The following SLC7A6 variants were observed in gnomAD, a reference collection of about 807,000 sequenced individuals.
The protein encoded by SLC7A6 is Y+L amino acid transporter 2.
SLC7A6 carries 29 observed loss-of-function variants against 46.6 expected under a neutral mutation model. The observed-to-expected ratio is 0.62, with a 90% CI of 0.46 to 0.85. The LOEUF (loss-of-function observed/expected upper bound fraction) is 0.85, where lower values mean the gene tolerates loss of function less well. Among genes scored for constraint, SLC7A6 ranks in the 40% least tolerant of loss-of-function variants. SLC7A6 has a pLI of 0.00. For synonymous variants in SLC7A6, 276 were observed against 257.3 expected (o/e 1.07, Z -0.70); for missense variants, 527 against 647.6 (o/e 0.81, Z 2.02).
Position 68,301,027 on chromosome 16 carries a change from G to GT in SLC7A6, c.*3708dup, listed in dbSNP as rs904540749. The GT allele has an allele frequency of 1.4e-3, 1,570 of 1,139,194 alleles. No homozygotes were observed. The highest frequency in any genetic ancestry group is 5.4e-3 in the East Asian group (123 of 22,764). 70.6% of individuals were successfully genotyped at this position (1,139,194 alleles called of 1,614,324 possible). ...CTAAAGAAACCTTCCTTTTTTCAAC[G>GT]TTTTTTTTTCTTTCAAACTGTAGGG... On this transcript the variant is annotated 3_prime_UTR_variant, in exon 11 of 11. Coordinates refer to ENST00000219343, the MANE Select transcript of SLC7A6 (RefSeq NM_003983.6).
At chr16:68,290,798 G>A (rs1430443916) in intron 5 of SLC7A6, 2 of 521,124 alleles carry the variant, frequency 3.8e-6, no homozygotes, top group Non-Finnish European at 6.9e-6. Context: ...GGAGCAGCAG[G>A]CCCAGCTGGG....
chr16:68,277,014 A>C (rs112086775), intron 3 of SLC7A6, among the ~76,000 whole-genome samples: 15,109 of 152,044 alleles, frequency 0.099, 922 homozygotes, highest in South Asian at 0.24. Context: ...CAAAACAAAA[A>C]AAAAACCTCA....
Position 68,300,769 on chromosome 16 carries a change from C to T in SLC7A6, c.*3441C>T, listed in dbSNP as rs2043255922. The T allele has an allele frequency of 2.0e-6, 2 of 985,416 alleles. No individual in the cohort carries two copies. 61.0% of individuals were successfully genotyped at this position (985,416 alleles called of 1,614,324 possible). ...CTGTTAACTAAAATCTCCCACTGCT[C>T]AGACTACTTTCTGCCCTAATGGCCA... On this transcript the variant is annotated 3_prime_UTR_variant, in exon 11 of 11. Coordinates refer to ENST00000219343, the MANE Select transcript of SLC7A6 (RefSeq NM_003983.6).
At chr16:68,267,973 T>C (rs1299937005) in intron 2 of SLC7A6, among the ~76,000 whole-genome samples, 2 of 152,202 alleles carry the variant, frequency 1.3e-5, no homozygotes, top group Admixed American at 1.3e-4. Context: ...TGGAGGTTCC[T>C]GGATGGTACT....
intron 7 of SLC7A6, chr16:68,291,869 T>C (rs996527804): frequency 1.8e-6 from 1 of 558,848 alleles, no homozygotes; most frequent in Non-Finnish European, 3.2e-6. Context: ...CATGTTTCCA[T>C]CTGAGGTGAG....
chr16:68,281,013 G>A (rs951814907), intron 3 of SLC7A6, among the ~76,000 whole-genome samples: 2 of 152,132 alleles, frequency 1.3e-5, no homozygotes, highest in African/African-American at 2.4e-5. Flanking sequence ...GATTACAGGC[G>A]TGACCCACGG....
intron 3 of SLC7A6, among the ~76,000 whole-genome samples, chr16:68,285,674 ATGGAAGAATATCCAACTTTC>A (rs2042915732): frequency 6.6e-6 from 1 of 152,204 alleles, no homozygotes; most frequent in Non-Finnish European, 1.5e-5. Context: ...CTCCATTTGA[ATGGAAGAATATCCAACTTTC>A]TGACAATTTG....
chr16:68,282,741 C>T (rs143365164), intron 3 of SLC7A6, among the ~76,000 whole-genome samples: 85 of 152,176 alleles, frequency 5.6e-4, no homozygotes, highest in African/African-American at 1.9e-3. Context: ...CCTCGGCCTG[C>T]TGATTAGCTG....
In SLC7A6 at chr16:68,301,561, A is replaced by C. The variant is rs2043276828; in HGVS notation, c.*4233A>C. On this transcript the variant is annotated 3_prime_UTR_variant, in exon 11 of 11. Coordinates refer to ENST00000219343, the MANE Select transcript of SLC7A6 (RefSeq NM_003983.6). ...AGAATATAGAATTCTTTTTTTTTTA[A>C]AGAAGGAATCACTTTCCTATCATCT... 1 of 572,606 alleles carries C rather than the reference A, an allele frequency of 1.7e-6. No homozygotes were observed. The highest frequency in any genetic ancestry group is 2.8e-6 in the Non-Finnish European group (1 of 352,890). The allele number at this position is 572,606 out of a possible 1,614,324, so 35.5% of individuals were successfully genotyped here. A position where few individuals can be genotyped will look rare whatever the true frequency, so the allele number is the denominator to read the frequency against.
rs181817153 is a variant in SLC7A6, at chr16:68,287,223, C to T, written c.524-523C>T. On this transcript the variant is annotated intron_variant, in intron 3 of 10. Coordinates refer to ENST00000219343, the MANE Select transcript of SLC7A6 (RefSeq NM_003983.6). ...TAACTCCTGGGCTCACATGATCCAT[C>T]TGCCTCAGTTTCCCAAAGTGCTGGG... 1.7e-4 allele frequency: 144 copies of T among 857,482 alleles called. 4 individuals carry two copies. In the Admixed American group the frequency reaches 4.3e-3, roughly 26 times the overall value. 53.1% of individuals were successfully genotyped at this position (857,482 alleles called of 1,614,324 possible). A position where few individuals can be genotyped will look rare whatever the true frequency, so the allele number is the denominator to read the frequency against.
intron 4 of SLC7A6, 77 bp from the exon 5 acceptor site, chr16:68,290,319 C>T (rs1567592540): frequency 1.4e-6 from 2 of 1,469,132 alleles, no homozygotes; most frequent in Non-Finnish European, 1.9e-6. Context: ...CTTTCTCTTA[C>T]ACCTCCCATC....
chr16:68,291,194 C>T lies in SLC7A6; in HGVS notation c.795-15C>T. On this transcript the variant is annotated splice_polypyrimidine_tract_variant and intron_variant, in intron 5 of 10. Coordinates refer to ENST00000219343, the MANE Select transcript of SLC7A6 (RefSeq NM_003983.6). The stretch of plus-strand genomic sequence containing the variant: ...AGGTTGGTTCTAGGTAGTCCTTTCT[C>T]ACTTGTCCTGACAGAAATTTGCCCT... The T allele has an allele frequency of 1.2e-6, 2 of 1,614,214 alleles. No individual in the cohort carries two copies. The highest frequency in any genetic ancestry group is 1.7e-6 in the Non-Finnish European group (2 of 1,180,024).
At chr16:68,285,179 C>T (rs1485372680) in intron 3 of SLC7A6, among the ~76,000 whole-genome samples, 1 of 152,132 alleles carries the variant, frequency 6.6e-6, no homozygotes, top group Admixed American at 6.5e-5. Flanking sequence ...AGCTCCTGAC[C>T]CTTCTGCCCA....
In SLC7A6 at chr16:68,274,756, A is replaced by C. The variant is rs1482595085; in HGVS notation, c.30A>C (p.Thr10=). ...AAGCCAGGGAGCCTGGGAGGCCCAC[A>C]CCCACCTACCATCTTGTCCCTAACA... is the stretch of plus-strand genomic sequence containing the variant. MEAREPGRP[T]PTYHLVPNTS... is the part of the protein sequence containing the mutation. Residue 10 remains threonine, a synonymous_variant, in exon 3 of 11, where the codon ACA becomes ACC. Transcript: ENST00000219343. 1 of 1,614,140 alleles carries C rather than the reference A, an allele frequency of 6.2e-7. No homozygotes were observed. Among genetic ancestry groups the C allele is most frequent in the East Asian group, 2.2e-5 (1 of 44,882 alleles).
rs1034585500 is a variant in SLC7A6, at chr16:68,301,549, C to T, written c.*4221C>T. 4 of 575,566 alleles carry T rather than the reference C, an allele frequency of 6.9e-6. No homozygotes were observed. The highest frequency in any genetic ancestry group is 3.9e-5 in the African/African-American group (2 of 50,798). The allele number at this position is 575,566 out of a possible 1,614,324, so 35.7% of individuals were successfully genotyped here. A position where few individuals can be genotyped will look rare whatever the true frequency, so the allele number is the denominator to read the frequency against. ...AATAAATAAAAAAGAATATAGAATT[C>T]TTTTTTTTTTAAAGAAGGAATCACT... On this transcript the variant is annotated 3_prime_UTR_variant, in exon 11 of 11. Coordinates refer to ENST00000219343, the MANE Select transcript of SLC7A6 (RefSeq NM_003983.6).
intron 2 of SLC7A6, among the ~76,000 whole-genome samples, chr16:68,268,837 G>A (rs1309073438): frequency 1.3e-5 from 2 of 151,830 alleles, no homozygotes; most frequent in Non-Finnish European, 2.9e-5. Flanking sequence ...GTGAAACCCC[G>A]TCTCTACTAA....
In SLC7A6 at chr16:68,301,357, C is replaced by G; in HGVS notation, c.*4029C>G. 1 of 1,614,144 alleles carries G rather than the reference C, an allele frequency of 6.2e-7. No individual in the cohort carries two copies. Among genetic ancestry groups the G allele is most frequent in the South Asian group, 1.1e-5 (1 of 91,078 alleles). On this transcript the variant is annotated 3_prime_UTR_variant, in exon 11 of 11. Transcript: ENST00000219343. ...AGGGTACTTGCTCCACATCCGCTGT[C>G]TGCTGCTGCCTCTTTCCTCCTCACT...
chr16:68,300,712 C>G lies in SLC7A6; in HGVS notation c.*3384C>G. 1 of 985,508 alleles carries G rather than the reference C, an allele frequency of 1.0e-6. No homozygotes were observed. The highest frequency in any genetic ancestry group is 4.7e-5 in the South Asian group (1 of 21,290). The allele number at this position is 985,508 out of a possible 1,614,324, so 61.0% of individuals were successfully genotyped here. A position where few individuals can be genotyped will look rare whatever the true frequency, so the allele number is the denominator to read the frequency against. On this transcript the variant is annotated 3_prime_UTR_variant, in exon 11 of 11. Transcript: ENST00000219343. ...CAAAGGAAGTCAGTCAGTAATTTCACAACCGTTATCAGAGTTTGGAAGCAG... is the reference window on the plus strand; with the variant it reads ...CAAAGGAAGTCAGTCAGTAATTTCAGAACCGTTATCAGAGTTTGGAAGCAG...
chr16:68,278,157 A>T (rs1017921835), intron 3 of SLC7A6, among the ~76,000 whole-genome samples: 10 of 150,298 alleles, frequency 6.7e-5, no homozygotes, highest in Admixed American at 1.3e-4. Flanking sequence ...GGGTTTCACC[A>T]TGTTGGTCAG....
Sources: allele counts gnomAD v4.1 joint callset (sites outside exome capture counted in the v4.1 genomes callset), GRCh38; gene constraint gnomAD v4.1.1; transcripts MANE v1.5; gene names NCBI Gene and HGNC (gene_info 2026-07-23, HGNC 2026-07-21).